ARHGEF26: variants seen among roughly 807,000 people sequenced by gnomAD.
ARHGEF26 encodes the protein Rho guanine nucleotide exchange factor 26.
ARHGEF26 carries 59 observed loss-of-function variants against 89.4 expected under a neutral mutation model. That is an observed-to-expected ratio of 0.66 (90% confidence interval 0.54 to 0.82). The LOEUF is 0.82. Ranked by LOEUF, ARHGEF26 falls within the 40% of genes least tolerant of loss-of-function variation. The pLI is 0.00. For synonymous variants in ARHGEF26, 500 were observed against 428.4 expected (o/e 1.17, Z -2.06); for missense variants, 1,234 against 1,085.6 (o/e 1.14, Z -1.92).
chr3:154,190,154 G>A (rs74584592), intron 7 of ARHGEF26, among the ~76,000 whole-genome samples: 1,611 of 152,192 alleles, frequency 0.011, 23 homozygotes, highest in African/African-American at 0.037. Context: ...AGCTCCTCAT[G>A]GGATGAAGTG....
chr3:154,128,454 G>A (rs924394131), intron 3 of ARHGEF26, among the ~76,000 whole-genome samples: 11 of 152,080 alleles, frequency 7.2e-5, no homozygotes, highest in African/African-American at 2.7e-4. Context: ...GCCCAGGCTG[G>A]TCTCGAACTC....
chr3:154,121,900 G>T, intron 1 of ARHGEF26, 42 bp from the exon 2 acceptor site: 1 of 1,480,498 alleles, frequency 6.8e-7, no homozygotes, highest in Non-Finnish European at 9.0e-7. Flanking sequence ...AGGCGTCCCC[G>T]GTTGTCCAGA....
chr3:154,126,852 G>A (rs896397480), intron 3 of ARHGEF26, among the ~76,000 whole-genome samples: 2 of 152,124 alleles, frequency 1.3e-5, no homozygotes, highest in African/African-American at 4.8e-5. Context: ...TTTTGTTGTT[G>A]TGCAAATATC....
At chr3:154,191,708 C>G (rs1210890945) in intron 8 of ARHGEF26, among the ~76,000 whole-genome samples, 1 of 152,112 alleles carries the variant, frequency 6.6e-6, no homozygotes, top group Non-Finnish European at 1.5e-5. Flanking sequence ...GTCAGGAGGC[C>G]TGGATTCCAA....
intron 3 of ARHGEF26, among the ~76,000 whole-genome samples, chr3:154,128,350 G>T (rs1354063781): frequency 6.6e-6 from 1 of 151,984 alleles, no homozygotes; most frequent in Non-Finnish European, 1.5e-5. Flanking sequence ...CAGTTCTTCT[G>T]CCTCAGCCTC....
chr3:154,209,121 A>G (rs1297545560), intron 9 of ARHGEF26, among the ~76,000 whole-genome samples: 2 of 151,882 alleles, frequency 1.3e-5, no homozygotes, highest in Non-Finnish European at 2.9e-5. Context: ...TAATTATTTC[A>G]ATCTCCTTGT....
rs1266792920 is a variant in ARHGEF26, at chr3:154,121,885, C to T, written c.-51-57C>T. The T allele has an allele frequency of 3.5e-6, 5 of 1,428,790 alleles. No homozygotes were observed. The South Asian group carries it at 5.9e-5, about 17-fold the overall frequency. The allele number at this position is 1,428,790 out of a possible 1,614,324, so 88.5% of individuals were successfully genotyped here. On this transcript the variant is annotated intron_variant, in intron 1 of 14. Transcript: ENST00000465093. ...ACCGCCGGTCTGGGAGCACGCGAGTCGGCCAGGCGTCCCCGGTTGTCCAGA... is the reference window on the plus strand; with the variant it reads ...ACCGCCGGTCTGGGAGCACGCGAGTTGGCCAGGCGTCCCCGGTTGTCCAGA...
intron 10 of ARHGEF26, among the ~76,000 whole-genome samples, chr3:154,220,623 A>G (rs1166096920): frequency 6.6e-6 from 1 of 152,194 alleles, no homozygotes; most frequent in African/African-American, 2.4e-5. Context: ...AGTAGCAGGC[A>G]AACACTCCTG....
At chr3:154,194,785 G>T (rs1714187127) in intron 9 of ARHGEF26, 67 bp downstream of exon 9, 1 of 1,380,358 alleles carries the variant, frequency 7.2e-7, no homozygotes. Flanking sequence ...CACAAAGTGT[G>T]TCTTGGCTTG....
Position 154,256,646 on chromosome 3 carries a change from G to T in ARHGEF26, c.*1173G>T. The T allele has an allele frequency of 9.1e-7, 1 of 1,103,256 alleles. No homozygotes were observed. Among genetic ancestry groups the T allele is most frequent in the East Asian group, 5.2e-5 (1 of 19,096 alleles). The allele number at this position is 1,103,256 out of a possible 1,614,324, so 68.3% of individuals were successfully genotyped here. A position where few individuals can be genotyped will look rare whatever the true frequency, so the allele number is the denominator to read the frequency against. On this transcript the variant is annotated 3_prime_UTR_variant, in exon 15 of 15. Transcript: ENST00000465093. ...CTTCAATAATACCTAGTTTTCAGCT[G>T]TTCCAACTCGTTTCCAAATAGAAAT...
chr3:154,130,788 G>A (rs2108049764), intron 4 of ARHGEF26, among the ~76,000 whole-genome samples: 1 of 152,296 alleles, frequency 6.6e-6, no homozygotes, highest in East Asian at 1.9e-4. Flanking sequence ...ACCTCCATGA[G>A]TCCTTAGGCA....
chr3:154,194,692 A>G lies in ARHGEF26; in HGVS notation c.1819A>G (p.Lys607Glu). ...GGACTCTCCGAAGTATGAAGTCTGC[A>G]AAAGAGCCTTGAAGGAAGTTAGCAA... Reference protein sequence around the residue: ...PKDSPKYEVCKRALKEVSKLV... With the variant: ...PKDSPKYEVCERALKEVSKLV... Residue 607 changes from lysine to glutamate, a missense_variant, in exon 9 of 15, where the codon AAA becomes GAA. Coordinates refer to ENST00000465093, the MANE Select transcript of ARHGEF26 (RefSeq NM_015595.4). 6.2e-7 allele frequency: 1 copy of G among 1,612,956 alleles called. No homozygotes were observed. The highest frequency in any genetic ancestry group is 8.5e-7 in the Non-Finnish European group (1 of 1,179,520).
chr3:154,124,436 ATTTGATGGGG>A lies in ARHGEF26; in HGVS notation c.1111_1120del (p.Phe371LysfsTer35), dbSNP rs1718199948. Reference sequence around the variant, plus strand: ...AAAAAATGCTGAAAGGACAAGGAACATTTGATGGGGAAGGTAAGCATTTAATTTTCCAAAC... The same window carrying A: ...AAAAAATGCTGAAAGGACAAGGAACAAAGGTAAGCATTTAATTTTCCAAAC... On this transcript the variant is annotated frameshift_variant, in exon 3 of 15. Transcript: ENST00000465093. LOFTEE classifies it high-confidence loss of function. 1 of 1,514,682 alleles carries A rather than the reference ATTTGATGGGG, an allele frequency of 6.6e-7. No homozygotes were observed. Among genetic ancestry groups the A allele is most frequent in the Non-Finnish European group, 8.8e-7 (1 of 1,141,484 alleles). 93.8% of individuals were successfully genotyped at this position (1,514,682 alleles called of 1,614,324 possible). A position where few individuals can be genotyped will look rare whatever the true frequency, so the allele number is the denominator to read the frequency against.
chr3:154,191,363 T>A lies in ARHGEF26; in HGVS notation c.1715T>A (p.Ile572Asn). ...GAAGACTGTAGGAACTTACCCATGA[T>A]CTCTTTTCTCATTCTCCCCATGCAG... is the stretch of plus-strand genomic sequence containing the variant. ...SHEDCRNLPMISFLILPMQRV... is the reference protein window; with the variant it reads ...SHEDCRNLPMNSFLILPMQRV... The change falls in exon 8 of 15, where the codon ATC (isoleucine) becomes AAC (asparagine). Residue 572 changes from isoleucine (I) to asparagine (N), a missense_variant. Coordinates refer to ENST00000465093, the MANE Select transcript of ARHGEF26 (RefSeq NM_015595.4). 1 of 1,613,864 alleles carries A rather than the reference T, an allele frequency of 6.2e-7. No individual in the cohort carries two copies. The highest frequency in any genetic ancestry group is 2.2e-5 in the East Asian group (1 of 44,870).
At chr3:154,141,379 C>T (rs1719372875) in intron 4 of ARHGEF26, among the ~76,000 whole-genome samples, 2 of 152,264 alleles carry the variant, frequency 1.3e-5, no homozygotes, top group Admixed American at 1.3e-4. Context: ...TACTTTGCCC[C>T]CGCTTAATAG....
chr3:154,139,969 A>G (rs1719256275), intron 4 of ARHGEF26, among the ~76,000 whole-genome samples: 2 of 152,350 alleles, frequency 1.3e-5, no homozygotes, highest in African/African-American at 4.8e-5. Flanking sequence ...AAATAAGCCT[A>G]TCCAACTATA....
intron 9 of ARHGEF26, among the ~76,000 whole-genome samples, chr3:154,199,796 T>G (rs1714516325): frequency 6.6e-6 from 1 of 152,226 alleles, no homozygotes; most frequent in East Asian, 1.9e-4. Context: ...AGTTTTGATT[T>G]GCATCTCGCT....
At chr3:154,218,976 G>A (rs1351253992) in intron 10 of ARHGEF26, among the ~76,000 whole-genome samples, 2 of 152,170 alleles carry the variant, frequency 1.3e-5, no homozygotes, top group African/African-American at 2.4e-5. Flanking sequence ...GACTCTAATG[G>A]TTTAGATGCA....
chr3:154,201,593 T>G (rs551709585), intron 9 of ARHGEF26, among the ~76,000 whole-genome samples: 1 of 152,196 alleles, frequency 6.6e-6, no homozygotes, highest in African/African-American at 2.4e-5. Context: ...ACTTCCACAA[T>G]GGTTGAACTA....
Sources: allele counts gnomAD v4.1 joint callset (sites outside exome capture counted in the v4.1 genomes callset), GRCh38; gene constraint gnomAD v4.1.1; transcripts MANE v1.5; gene names NCBI Gene and HGNC (gene_info 2026-07-23, HGNC 2026-07-21).